The following STAG3 variants were observed in gnomAD, a reference collection of about 807,000 sequenced individuals.
STAG3 encodes cohesin subunit SA-3.
Under a neutral mutation model 160.7 loss-of-function variants are expected in STAG3, and 101 were observed. That is an observed-to-expected ratio of 0.63 (90% CI 0.54 to 0.74). The LOEUF (loss-of-function observed/expected upper bound fraction) is 0.74, where lower values mean the gene tolerates loss of function less well. Among genes scored for constraint, STAG3 ranks in the 30% least tolerant of loss-of-function variants. The pLI, the probability that STAG3 is intolerant of heterozygous loss-of-function variation, is 0.00. For synonymous variants in STAG3, 519 were observed against 585.0 expected, an observed-to-expected ratio of 0.89 and a Z score of 1.63; for missense variants, 1,188 against 1,517.4, an observed-to-expected ratio of 0.78 and a Z score of 3.61.
At chr7:100,211,923 G>A (rs1193082519) in intron 32 of STAG3, 47 bp downstream of exon 32, 4 of 1,576,356 alleles carry the variant, frequency 2.5e-6, no homozygotes, top group African/African-American at 2.7e-5. Flanking sequence ...AGGGGCTGAT[G>A]TGCCAAAGAG....
Position 100,199,254 on chromosome 7 carries a change from T to C in STAG3, c.1468-8T>C. The C allele has an allele frequency of 6.3e-7, 1 of 1,597,640 alleles. No individual in the cohort carries two copies. The highest frequency in any genetic ancestry group is 8.6e-7 in the Non-Finnish European group (1 of 1,165,100). Reference sequence around the variant, plus strand: ...TATCATTAACTCCCCATGCACGTTCTCCCCTAGCTCCATGACCACGCTGCT... The same window carrying C: ...TATCATTAACTCCCCATGCACGTTCCCCCCTAGCTCCATGACCACGCTGCT... On this transcript the variant is annotated splice_region_variant and splice_polypyrimidine_tract_variant and intron_variant, in intron 14 of 33. Transcript: ENST00000615138.
rs139373770 is a variant in STAG3 at position 100,213,767 on chromosome 7, C to T, written c.3633C>T (p.Arg1211=). The T allele has an allele frequency of 1.2e-4, 186 of 1,614,214 alleles. No homozygotes were observed. Among genetic ancestry groups the T allele is most frequent in the African/African-American group, 2.1e-4 (16 of 75,042 alleles). ...QASSYSSTSE[R]GLDLLDSTEL... is the part of the protein sequence containing the mutation. Reference sequence around the variant, plus strand: ...GTAGCTACTCTTCCACCAGTGAGCGCGGGCTGGACCTCTTAGATTCTACAG... The same window carrying T: ...GTAGCTACTCTTCCACCAGTGAGCGTGGGCTGGACCTCTTAGATTCTACAG... Residue 1211 remains arginine (R), a synonymous_variant, in exon 33 of 34, where the codon CGC becomes CGT. Transcript: ENST00000615138.
At chr7:100,213,884 G>T in intron 33 of STAG3, 78 bp downstream of exon 33, 1 of 1,613,386 alleles carries the variant, frequency 6.2e-7, no homozygotes, top group Non-Finnish European at 8.5e-7. Flanking sequence ...AAATTGACAG[G>T]CCATAGCCTG....
At chr7:100,200,176 A>G (rs1379698005) in intron 16 of STAG3, 60 bp from the exon 17 acceptor site, 2 of 1,310,350 alleles carry the variant, frequency 1.5e-6, no homozygotes, top group Non-Finnish European at 2.2e-6. Flanking sequence ...AGGACTGCAC[A>G]CACCCCCTGC....
chr7:100,216,995 T>C (rs1035333042), downstream of STAG3, among the ~76,000 whole-genome samples: 4 of 152,018 alleles, frequency 2.6e-5, no homozygotes, highest in African/African-American at 9.7e-5. Context: ...GGACAGGCAT[T>C]GTCTGGGAGC....
chr7:100,204,178 A>G (rs943520553), intron 26 of STAG3, 56 bp downstream of exon 26: 27 of 1,350,336 alleles, frequency 2.0e-5, no homozygotes, highest in Non-Finnish European at 2.8e-5. Context: ...GTCTCTGTCT[A>G]CCCTCAGCCA....
chr7:100,182,645 A>C (rs1487372572), intron 3 of STAG3, 78 bp from the exon 4 acceptor site: 14 of 1,494,496 alleles, frequency 9.4e-6, no homozygotes, highest in Middle Eastern at 1.7e-4. Flanking sequence ...TTGTGTGATA[A>C]TGATGAAACC....
rs1584745608 is a variant in STAG3 at position 100,204,205 on chromosome 7, C to T, written c.2802+83C>T. ...CCTCAGCCACTCAGAATGTAAGATC[C>T]TTCAGAGCAGTAACTTTTCTTGTTT... is the stretch of plus-strand genomic sequence containing the variant. On this transcript the variant is annotated intron_variant, in intron 26 of 33. Coordinates refer to ENST00000615138, the MANE Select transcript of STAG3 (RefSeq NM_001282717.2). 2.8e-6 allele frequency: 3 copies of T among 1,063,216 alleles called. No homozygotes were observed. In the East Asian group the frequency reaches 7.2e-5, roughly 26 times the overall value. 65.9% of individuals were successfully genotyped at this position (1,063,216 alleles called of 1,614,324 possible). A position where few individuals can be genotyped will look rare whatever the true frequency, so the allele number is the denominator to read the frequency against.
In STAG3 at chr7:100,213,793, A is replaced by T. The variant is rs759618559; in HGVS notation, c.3659A>T (p.Glu1220Val). Reference sequence around the variant, plus strand: ...GGGCTGGACCTCTTAGATTCTACAGAGCTGGATATTGAGGTGAGTGTCCCC... The same window carrying T: ...GGGCTGGACCTCTTAGATTCTACAGTGCTGGATATTGAGGTGAGTGTCCCC... ...ERGLDLLDST[E>V]LDIEDF The change falls in exon 33 of 34, where the codon GAG (glutamate) becomes GTG (valine). Residue 1220 changes from glutamate to valine, a missense_variant. Glu to Val is a moderately radical substitution (Grantham distance 121). This residue lies in a region of STAG3 where 647 missense variants were observed against 717.2 expected (regional missense o/e 0.90). Coordinates refer to ENST00000615138, the MANE Select transcript of STAG3 (RefSeq NM_001282717.2). The T allele has an allele frequency of 1.9e-6, 3 of 1,614,076 alleles. No homozygotes were observed. Among genetic ancestry groups the T allele is most frequent in the Non-Finnish European group, 2.5e-6 (3 of 1,180,050 alleles).
chr7:100,199,159 G>A (rs1800897229), intron 14 of STAG3, 103 bp from the exon 15 acceptor site: 1 of 924,130 alleles, frequency 1.1e-6, no homozygotes, highest in African/African-American at 1.6e-5. Flanking sequence ...GGAGAAGGAT[G>A]GGAGTGGACA....
chr7:100,205,798 C>A (rs1801595520), intron 29 of STAG3, among the ~76,000 whole-genome samples: 1 of 151,154 alleles, frequency 6.6e-6, no homozygotes, highest in Non-Finnish European at 1.5e-5. Context: ...CGACTGCACC[C>A]CAGCCTGGGT....
chr7:100,209,275 G>A (rs1801947860), intron 29 of STAG3, among the ~76,000 whole-genome samples: 1 of 152,178 alleles, frequency 6.6e-6, no homozygotes, highest in African/African-American at 2.4e-5. Flanking sequence ...CAGCCTATTG[G>A]CCTCCCAGCG....
rs1245347681 is a variant in STAG3 at position 100,211,277 on chromosome 7, G to T, written c.3413+92G>T. On this transcript the variant is annotated intron_variant, in intron 30 of 33. Coordinates refer to ENST00000615138, the MANE Select transcript of STAG3 (RefSeq NM_001282717.2). ...TGTTTCTGTTTCATGGTTCCCTGCT[G>T]TAGCACTCCCACATTGTTGGGTTCT... 12 of 1,494,188 alleles carry T rather than the reference G, an allele frequency of 8.0e-6. No homozygotes were observed. In the African/African-American group the frequency reaches 1.3e-4, roughly 16 times the overall value. The allele number at this position is 1,494,188 out of a possible 1,614,324, so 92.6% of individuals were successfully genotyped here.
intron 32 of STAG3, 114 bp from the exon 33 acceptor site, chr7:100,213,621 G>T (rs1470634558): frequency 1.3e-6 from 2 of 1,554,364 alleles, no homozygotes; most frequent in African/African-American, 2.7e-5. Context: ...TGCCATAGGG[G>T]CCTGCTGTGC....
In STAG3 at chr7:100,211,065, A is replaced by C. The variant is rs1360539286; in HGVS notation, c.3293A>C (p.Gln1098Pro). The stretch of plus-strand genomic sequence containing the variant: ...TCCTCGTCCCAGGAAGAAAGTCTGC[A>C]GCTGAACAGCATCCCGCCCACGCCC... ...DVSSSQEESL[Q>P]LNSIPPTPTL... The change falls in exon 30 of 34, where the codon CAG becomes CCG. Residue 1098 changes from glutamine to proline, a missense_variant. Coordinates refer to ENST00000615138, the MANE Select transcript of STAG3 (RefSeq NM_001282717.2). The C allele has an allele frequency of 1.9e-6, 3 of 1,613,928 alleles. No individual in the cohort carries two copies. Among genetic ancestry groups the C allele is most frequent in the Non-Finnish European group, 2.5e-6 (3 of 1,179,982 alleles).
At chr7:100,189,655 A>C in intron 8 of STAG3, 59 bp downstream of exon 8, 1 of 1,566,642 alleles carries the variant, frequency 6.4e-7, no homozygotes. Context: ...CACTTCTGCC[A>C]CAGACCCCCT....
At position 100,204,786 on chromosome 7, in the gene STAG3, T is replaced by C. The variant is rs1286722482; in HGVS notation, c.2951+11T>C. 6.2e-7 allele frequency: 1 copy of C among 1,612,746 alleles called. No homozygotes were observed. The stretch of plus-strand genomic sequence containing the variant: ...GGTCATGCTACACAAGTAGGAAGTA[T>C]TGGTTGCAGGTTGTGTCCAGGGAGG... On this transcript the variant is annotated intron_variant, in intron 27 of 33. Coordinates refer to ENST00000615138, the MANE Select transcript of STAG3 (RefSeq NM_001282717.2).
intron 5 of STAG3, among the ~76,000 whole-genome samples, chr7:100,188,185 A>G (rs1800146962): frequency 6.6e-6 from 1 of 152,100 alleles, no homozygotes. Context: ...ATTTCTGTGC[A>G]GTTTTCAGCC....
Position 100,205,261 on chromosome 7 carries a change from T to C in STAG3, c.3115T>C (p.Ser1039Pro), listed in dbSNP as rs1247987397. 1.2e-6 allele frequency: 2 copies of C among 1,614,100 alleles called. No individual in the cohort carries two copies. The highest frequency in any genetic ancestry group is 8.5e-7 in the Non-Finnish European group (1 of 1,180,016). The change falls in exon 29 of 34, where the codon TCC (serine) becomes CCC (proline). Residue 1039 changes from serine (S) to proline (P), a missense_variant. Physicochemically the swap from Ser to Pro is moderately conservative, Grantham distance 74. Coordinates refer to ENST00000615138, the MANE Select transcript of STAG3 (RefSeq NM_001282717.2). ...TCTAGAAAAGTGCCTGCAGCATGTC[T>C]CCCAGGCACCTGGCCATCCCTGGGG... is the stretch of plus-strand genomic sequence containing the variant. ...SYLEKCLQHV[S>P]QAPGHPWGPV...
Sources: allele counts gnomAD v4.1 joint callset (sites outside exome capture counted in the v4.1 genomes callset), GRCh38; gene constraint gnomAD v4.1.1; regional missense constraint gnomAD v4.1.1; transcripts MANE v1.5; gene names NCBI Gene and HGNC (gene_info 2026-07-23, HGNC 2026-07-21).